Variants in PKP1 observed in about 807,000 individuals in gnomAD.
PKP1 encodes the protein plakophilin-1.
A neutral mutation model predicts 76.4 loss-of-function variants in PKP1; 27 were observed. The observed-to-expected ratio is 0.35, with a 90% CI of 0.26 to 0.49. The LOEUF is 0.49. PKP1 is among the 20% of genes least tolerant of loss of function. PKP1 has a pLI of 0.99. For missense variants in PKP1, 964 were observed against 955.2 expected, an observed-to-expected ratio of 1.01 and a Z score of -0.12; for synonymous variants, 404 against 384.2, an observed-to-expected ratio of 1.05 and a Z score of -0.60.
At chr1:201,324,783 G>T (rs1657060737) in intron 10 of PKP1, among the ~76,000 whole-genome samples, 158 bp from the exon 11 acceptor site, 1 of 152,176 alleles carries the variant, frequency 6.6e-6, no homozygotes, top group Admixed American at 6.5e-5. Flanking sequence ...TCCTATCTGG[G>T]TCTCTGAGCC....
At chr1:201,303,159 T>C (rs1174080917) in intron 2 of PKP1, among the ~76,000 whole-genome samples, 2 of 152,260 alleles carry the variant, frequency 1.3e-5, no homozygotes, top group East Asian at 1.9e-4. Flanking sequence ...GAATTACTTA[T>C]CAGTTCCACT....
intron 2 of PKP1, among the ~76,000 whole-genome samples, chr1:201,300,654 T>A (rs6701621): frequency 0.065 from 9,841 of 152,284 alleles, 1,021 homozygotes; most frequent in African/African-American, 0.22. Context: ...AGATGGTGGC[T>A]CAGACCACCT....
At position 201,287,642 on chromosome 1, in the gene PKP1, C is replaced by A. The variant is rs1030783031; in HGVS notation, c.202+3738C>A. Among the ~76,000 whole-genome samples the A allele has an allele frequency of 1.5e-4, 23 of 152,312 alleles. No homozygotes were observed. The East Asian group carries it at 3.3e-3, about 22-fold the overall frequency. Reference sequence around the variant, plus strand: ...AAGTTGGAGTTTTAGCCAGAATTTCCGTTGGCCTGTTACAACACATGCAAA... The same window carrying A: ...AAGTTGGAGTTTTAGCCAGAATTTCAGTTGGCCTGTTACAACACATGCAAA... On this transcript the variant is annotated intron_variant, in intron 1 of 13. Transcript: ENST00000367324.
At chr1:201,325,519 C>A (rs529617188) in intron 11 of PKP1, among the ~76,000 whole-genome samples, 1 of 152,078 alleles carries the variant, frequency 6.6e-6, no homozygotes, top group East Asian at 1.9e-4. Flanking sequence ...CACCTCATGG[C>A]CCCTGAGGAG....
At chr1:201,317,995 G>T (rs969126453) in intron 5 of PKP1, among the ~76,000 whole-genome samples, 1 of 152,342 alleles carries the variant, frequency 6.6e-6, no homozygotes, top group East Asian at 1.9e-4. Flanking sequence ...ACACACAAGG[G>T]GTCACCATCT....
Position 201,328,700 on chromosome 1 carries a change from C to G in PKP1, c.2107-62C>G. The G allele has an allele frequency of 2.0e-6, 3 of 1,469,674 alleles. No homozygotes were observed. In the South Asian group the frequency reaches 3.4e-5, roughly 17 times the overall value. The allele number at this position is 1,469,674 out of a possible 1,614,324, so 91.0% of individuals were successfully genotyped here. A position where few individuals can be genotyped will look rare whatever the true frequency, so the allele number is the denominator to read the frequency against. ...GCTCTGGGAGGGCAGTGGACAGTGT[C>G]TGACCCCACAGCAAGCCCCACACAG... On this transcript the variant is annotated intron_variant, in intron 12 of 13. Transcript: ENST00000367324.
chr1:201,302,126 A>C (rs1205119821), intron 2 of PKP1, among the ~76,000 whole-genome samples: 1 of 152,216 alleles, frequency 6.6e-6, no homozygotes, highest in Non-Finnish European at 1.5e-5. Flanking sequence ...CCCTTGAATT[A>C]GTGTAGCATT....
intron 7 of PKP1, 130 bp downstream of exon 7, chr1:201,320,511 G>T: frequency 1.4e-6 from 1 of 716,182 alleles, no homozygotes; most frequent in Admixed American, 2.0e-5. Flanking sequence ...GCATCTGGAT[G>T]CAGGGCTCAG....
At chr1:201,324,332 C>A in intron 9 of PKP1, 96 bp from the exon 10 acceptor site, 1 of 1,291,358 alleles carries the variant, frequency 7.7e-7, no homozygotes, top group Non-Finnish European at 1.1e-6. Context: ...AGAAAGGGTT[C>A]TGGGATGTCT....
chr1:201,283,920 C>A lies in PKP1; in HGVS notation c.202+16C>A. The A allele has an allele frequency of 6.2e-7, 1 of 1,610,456 alleles. No individual in the cohort carries two copies. ...TCCAATCGAGGTAAAGGCTCGGCCCCCGCGTGGTCCGTGCGCCCCTTTCCA... is the reference window on the plus strand; with the variant it reads ...TCCAATCGAGGTAAAGGCTCGGCCCACGCGTGGTCCGTGCGCCCCTTTCCA... On this transcript the variant is annotated intron_variant, in intron 1 of 13. Transcript: ENST00000367324.
chr1:201,283,620 T>G lies in PKP1; in HGVS notation c.-83T>G. On this transcript the variant is annotated 5_prime_UTR_variant, in exon 1 of 14. Transcript: ENST00000367324. ...GCCGCTGAGAGCGAGAAGAGCACGC[T>G]CCTGCCCGCCCGCTGCACCGCACCT... 8.9e-6 allele frequency: 11 copies of G among 1,242,070 alleles called. No individual in the cohort carries two copies. The highest frequency in any genetic ancestry group is 1.2e-5 in the Non-Finnish European group (10 of 866,876). 76.9% of individuals were successfully genotyped at this position (1,242,070 alleles called of 1,614,324 possible). A position where few individuals can be genotyped will look rare whatever the true frequency, so the allele number is the denominator to read the frequency against.
intron 2 of PKP1, among the ~76,000 whole-genome samples, chr1:201,303,858 T>C (rs1656301725): frequency 1.3e-5 from 2 of 152,250 alleles, no homozygotes; most frequent in African/African-American, 4.8e-5. Context: ...CTCAGGATAA[T>C]TTTCCCAAAG....
intron 6 of PKP1, chr1:201,319,671 G>A: frequency 2.5e-6 from 2 of 790,492 alleles, no homozygotes; most frequent in Non-Finnish European, 2.2e-6. Context: ...ACATTGCTTG[G>A]GGATGAGCCC....
In PKP1 at chr1:201,320,361, G is replaced by A; in HGVS notation, c.1327G>A (p.Ala443Thr). 6.2e-7 allele frequency: 1 copy of A among 1,612,544 alleles called. No homozygotes were observed. The highest frequency in any genetic ancestry group is 8.5e-7 in the Non-Finnish European group (1 of 1,178,706). Residue 443 changes from alanine (A) to threonine (T), a missense_variant, in exon 7 of 14, where the codon GCC becomes ACC. Transcript: ENST00000367324. Reference protein sequence around the residue: ...LMAYVQNCVAASRCDDKSVEN... With the variant: ...LMAYVQNCVATSRCDDKSVEN... ...GGCCTATGTCCAGAACTGTGTAGCG[G>A]CCAGCCGCTGTGACGACAAGGTGAG...
chr1:201,299,948 A>T (rs1216469635), intron 2 of PKP1, among the ~76,000 whole-genome samples: 1 of 152,172 alleles, frequency 6.6e-6, no homozygotes, highest in Non-Finnish European at 1.5e-5. Context: ...AGTCCAGGTG[A>T]GGGACTGATA....
intron 12 of PKP1, among the ~76,000 whole-genome samples, chr1:201,326,201 C>A (rs1050841046): frequency 6.6e-6 from 1 of 152,214 alleles, no homozygotes; most frequent in Non-Finnish European, 1.5e-5. Context: ...GGCTAGGTTA[C>A]AAAACCCTTC....
intron 2 of PKP1, among the ~76,000 whole-genome samples, chr1:201,309,683 G>A (rs571079558): frequency 2.2e-4 from 34 of 152,218 alleles, no homozygotes; most frequent in Admixed American, 5.3e-4. Context: ...CACCTGCAGC[G>A]GGCGCACGTG....
At chr1:201,328,245 G>A (rs1191416006) in intron 12 of PKP1, 2 of 217,492 alleles carry the variant, frequency 9.2e-6, no homozygotes, top group African/African-American at 2.3e-5. Context: ...AGGCACTCAG[G>A]GGCTAGTGGG....
chr1:201,283,952 C>A, intron 1 of PKP1, 48 bp downstream of exon 1: 2 of 1,546,268 alleles, frequency 1.3e-6, no homozygotes, highest in Non-Finnish European at 1.8e-6. Flanking sequence ...TCCAGAGCAC[C>A]CTGGCCCAGT....
Sources: allele counts gnomAD v4.1 joint callset (sites outside exome capture counted in the v4.1 genomes callset), GRCh38; gene constraint gnomAD v4.1.1; transcripts MANE v1.5; gene names NCBI Gene and HGNC (gene_info 2026-07-23, HGNC 2026-07-21).